Variants in SGCZ observed in about 807,000 individuals in gnomAD.
SGCZ encodes zeta-sarcoglycan.
A neutral mutation model predicts 41.3 loss-of-function variants in SGCZ; 40 were observed. The ratio of observed to expected loss-of-function variants is 0.97; its 90% CI spans 0.75 to 1.26. SGCZ has a LOEUF of 1.26. Among genes scored for constraint, SGCZ ranks in the 50% most tolerant of loss-of-function variants. The pLI, the probability that SGCZ is intolerant of heterozygous loss-of-function variation, is 0.00. For synonymous variants in SGCZ, 206 were observed against 137.5 expected, an observed-to-expected ratio of 1.50 and a Z score of -3.49; for missense variants, 552 against 369.8, an observed-to-expected ratio of 1.49 and a Z score of -4.04.
At chr8:14,986,259 T>A (rs187684101) in intron 1 of SGCZ, among the ~76,000 whole-genome samples, 1 of 152,136 alleles carries the variant, frequency 6.6e-6, no homozygotes, top group Non-Finnish European at 1.5e-5. Flanking sequence ...AGTTTGATAT[T>A]ACACATTATA....
chr8:14,835,904 C>A (rs1394139854), intron 1 of SGCZ, among the ~76,000 whole-genome samples: 1 of 152,174 alleles, frequency 6.6e-6, no homozygotes, highest in African/African-American at 2.4e-5. Flanking sequence ...ATAAAAGCTG[C>A]TGAGTAATCA....
intron 1 of SGCZ, among the ~76,000 whole-genome samples, chr8:14,970,980 A>AT (rs1801275978): frequency 6.6e-6 from 1 of 152,056 alleles, no homozygotes; most frequent in Non-Finnish European, 1.5e-5. Context: ...AACATTTTAC[A>AT]TTTTTCAGCT....
chr8:14,351,590 T>A (rs1376768284), intron 2 of SGCZ, among the ~76,000 whole-genome samples: 1 of 151,334 alleles, frequency 6.6e-6, no homozygotes. Flanking sequence ...ATATATTATA[T>A]AGGAAATTGT....
At chr8:15,222,554 G>C (rs1001065953) in intron 1 of SGCZ, among the ~76,000 whole-genome samples, 1 of 152,164 alleles carries the variant, frequency 6.6e-6, no homozygotes, top group Non-Finnish European at 1.5e-5. Context: ...TTTACCAGTA[G>C]TTGTCTATCA....
chr8:15,026,985 A>G (rs1043975655), intron 1 of SGCZ, among the ~76,000 whole-genome samples: 2 of 152,188 alleles, frequency 1.3e-5, no homozygotes, highest in African/African-American at 2.4e-5. Flanking sequence ...CCAACAGACA[A>G]TGGTTCCACC....
intron 1 of SGCZ, among the ~76,000 whole-genome samples, chr8:15,053,446 T>C (rs1804591750): frequency 6.6e-6 from 1 of 152,188 alleles, no homozygotes; most frequent in Non-Finnish European, 1.5e-5. Context: ...GTCTGTTCCA[T>C]GTTACCTCCT....
chr8:14,675,769 CAAAT>C (rs1454249318), intron 1 of SGCZ, among the ~76,000 whole-genome samples: 1 of 152,082 alleles, frequency 6.6e-6, no homozygotes, highest in Admixed American at 6.5e-5. Context: ...AAAATGGAAA[CAAAT>C]AACACTGATA....
chr8:14,883,024 T>C (rs1242450657), intron 1 of SGCZ, among the ~76,000 whole-genome samples: 1 of 152,056 alleles, frequency 6.6e-6, no homozygotes, highest in Non-Finnish European at 1.5e-5. Context: ...TCTTAATGAG[T>C]AGGATCATAA....
chr8:14,103,839 C>T (rs1802116547), intron 6 of SGCZ, among the ~76,000 whole-genome samples: 1 of 152,050 alleles, frequency 6.6e-6, no homozygotes, highest in Non-Finnish European at 1.5e-5. Flanking sequence ...GACAATCACT[C>T]ACAATCCTAC....
At chr8:14,240,349 A>AT (rs1563205590) in intron 3 of SGCZ, among the ~76,000 whole-genome samples, 110 of 105,760 alleles carry the variant, frequency 1.0e-3, no homozygotes, top group African/African-American at 3.3e-3. Flanking sequence ...AAAAAAAAAA[A>AT]AAAAAAGAAC....
intron 1 of SGCZ, among the ~76,000 whole-genome samples, chr8:15,034,009 T>C (rs1330068455): frequency 1.3e-5 from 2 of 152,192 alleles, no homozygotes; most frequent in East Asian, 3.9e-4. Context: ...AATTTCCTGC[T>C]TCTTTAAATG....
At chr8:14,099,422 T>A (rs564410358) in intron 7 of SGCZ, among the ~76,000 whole-genome samples, 1 of 152,270 alleles carries the variant, frequency 6.6e-6, no homozygotes, top group African/African-American at 2.4e-5. Context: ...GGCCCGGGAC[T>A]CACAAAACAA....
intron 1 of SGCZ, among the ~76,000 whole-genome samples, chr8:14,719,617 T>C (rs1809813747): frequency 6.6e-6 from 1 of 152,082 alleles, no homozygotes; most frequent in Non-Finnish European, 1.5e-5. Context: ...ATGGTGAGCA[T>C]TTTTTCATGT....
At chr8:15,037,538 A>G (rs989124552) in intron 1 of SGCZ, among the ~76,000 whole-genome samples, 6 of 152,198 alleles carry the variant, frequency 3.9e-5, no homozygotes, top group East Asian at 1.9e-4. Context: ...GAAAATGTTG[A>G]AAGTTTTCCT....
chr8:14,769,793 T>TAAAAAAAAAAAAAAAAAAAAAA (rs565416806), intron 1 of SGCZ, among the ~76,000 whole-genome samples: 8 of 52,196 alleles, frequency 1.5e-4, no homozygotes, highest in Non-Finnish European at 1.9e-4. Flanking sequence ...AAAACACCAT[T>TAAAAAAAAAAAAAAAAAAAAAA]AAAAAAAAAA....
intron 1 of SGCZ, among the ~76,000 whole-genome samples, chr8:14,633,688 T>A (rs183880934): frequency 7.2e-5 from 11 of 152,006 alleles, no homozygotes; most frequent in Admixed American, 3.9e-4. Context: ...TAATTTTAGA[T>A]TAGCTTTATT....
At chr8:14,710,435 C>T (rs956627309) in intron 1 of SGCZ, among the ~76,000 whole-genome samples, 6 of 148,764 alleles carry the variant, frequency 4.0e-5, no homozygotes, top group East Asian at 2.0e-4. Flanking sequence ...TCTAACAATT[C>T]AATGGAGCAA....
intron 5 of SGCZ, among the ~76,000 whole-genome samples, chr8:14,138,032 T>A (rs1803255331): frequency 6.6e-6 from 1 of 152,156 alleles, no homozygotes; most frequent in Admixed American, 6.5e-5. Flanking sequence ...TATGCAACAT[T>A]CTTAAAGAAA....
At chr8:14,833,269 A>C (rs964737906) in intron 1 of SGCZ, among the ~76,000 whole-genome samples, 15 of 152,174 alleles carry the variant, frequency 9.9e-5, no homozygotes, top group African/African-American at 2.7e-4. Context: ...TGACAAATTC[A>C]AGCACCTACA....
Sources: gnomAD v4.1 joint callset for allele counts (sites outside exome capture counted in the v4.1 genomes callset) on GRCh38, gnomAD v4.1.1 for gene constraint, MANE v1.5 for transcripts, NCBI Gene and HGNC (gene_info 2026-07-23, HGNC 2026-07-21) for gene names.